The following SF3B6 variants were observed in gnomAD, a reference collection of about 807,000 sequenced individuals.
SF3B6 encodes splicing factor 3b subunit 6, also known as SF3b 14 kDa subunit.
SF3B6 carries 3 observed loss-of-function variants against 15.9 expected under a neutral mutation model. The ratio of observed to expected loss-of-function variants is 0.19; its 90% confidence interval spans 0.09 to 0.49. The LOEUF is 0.49. Ranked by LOEUF, SF3B6 falls within the 20% of genes least tolerant of loss-of-function variation. SF3B6 has a pLI of 0.97. For synonymous variants in SF3B6, 49 were observed against 51.1 expected (o/e 0.96, Z 0.18); for missense variants, 71 against 154.3 (o/e 0.46, Z 2.86).
At chr2:24,074,663 A>G (rs1573709224) in intron 1 of SF3B6, among the ~76,000 whole-genome samples, 1 of 152,168 alleles carries the variant, frequency 6.6e-6, no homozygotes, top group Non-Finnish European at 1.5e-5. Flanking sequence ...ACCAATTGAA[A>G]TACTTTTCAT....
intron 2 of SF3B6, 167 bp downstream of exon 2, chr2:24,073,909 T>TC (rs1664692041): frequency 5.4e-6 from 3 of 554,992 alleles, no homozygotes; most frequent in Admixed American, 7.4e-5. Context: ...GTAGGTTTTC[T>TC]CCCCCCTTCA....
intron 2 of SF3B6, 77 bp from the exon 3 acceptor site, chr2:24,068,536 A>C: frequency 1.5e-6 from 2 of 1,318,338 alleles, no homozygotes; most frequent in African/African-American, 3.0e-5. Context: ...ACTGTCTTTT[A>C]AACTGGTAAC....
intron 2 of SF3B6, among the ~76,000 whole-genome samples, chr2:24,070,571 C>T (rs1011137373): frequency 6.6e-6 from 1 of 152,188 alleles, no homozygotes; most frequent in Admixed American, 6.5e-5. Context: ...AAAGAGGTAA[C>T]AAGTATCAAA....
At chr2:24,071,194 T>C (rs1664646947) in intron 2 of SF3B6, among the ~76,000 whole-genome samples, 2 of 151,860 alleles carry the variant, frequency 1.3e-5, no homozygotes, top group African/African-American at 2.4e-5. Context: ...GGTTTCACCA[T>C]GTTGGTCAGG....
At chr2:24,068,048 C>T (rs1664588528) in intron 3 of SF3B6, among the ~76,000 whole-genome samples, 197 bp from the exon 4 acceptor site, 1 of 152,128 alleles carries the variant, frequency 6.6e-6, no homozygotes, top group African/African-American at 2.4e-5. Context: ...CTGCAGGCTC[C>T]ACCCCCTGGG....
chr2:24,076,146 T>C, intron 1 of SF3B6, 54 bp downstream of exon 1: 8 of 1,611,836 alleles, frequency 5.0e-6, no homozygotes, highest in Non-Finnish European at 5.9e-6. Flanking sequence ...TCCACGCCGC[T>C]AAGAAAGTCA....
intron 2 of SF3B6, among the ~76,000 whole-genome samples, chr2:24,069,440 G>A (rs1015763202): frequency 1.3e-5 from 2 of 152,208 alleles, no homozygotes; most frequent in Non-Finnish European, 2.9e-5. Context: ...GCAGGCAGCA[G>A]GTGGCCATGT....
Position 24,068,400 on chromosome 2 carries a change from G to T in SF3B6, c.209C>A (p.Ala70Asp). 1.2e-6 allele frequency: 2 copies of T among 1,614,018 alleles called. No individual in the cohort carries two copies. The highest frequency in any genetic ancestry group is 1.7e-6 in the Non-Finnish European group (2 of 1,179,914). Residue 70 changes from alanine (A) to aspartate (D), a missense_variant, in exon 3 of 4, where the codon GCC becomes GAC. By Grantham distance (126) the Ala-to-Asp change is moderately radical (BLOSUM62 -2). This residue lies in a region of SF3B6 where 52 missense variants were observed against 113.2 expected (regional missense o/e 0.46). Transcript: ENST00000233468. Reference sequence around the variant, plus strand: ...CGATAGGTGATCACATGCATTCTTGGCATCAAAGATGTCCTCATAGACCAC... The same window carrying T: ...CGATAGGTGATCACATGCATTCTTGTCATCAAAGATGTCCTCATAGACCAC... ...AYVVYEDIFDAKNACDHLSGF... is the reference protein window; with the variant it reads ...AYVVYEDIFDDKNACDHLSGF...
rs957898812 is a variant in SF3B6 at position 24,076,317 on chromosome 2, G to A, written c.-88C>T. 6.6e-7 allele frequency: 1 copy of A among 1,513,158 alleles called. No homozygotes were observed. The highest frequency in any genetic ancestry group is 9.2e-7 in the Non-Finnish European group (1 of 1,087,968). The allele number at this position is 1,513,158 out of a possible 1,614,324, so 93.7% of individuals were successfully genotyped here. A position where few individuals can be genotyped will look rare whatever the true frequency, so the allele number is the denominator to read the frequency against. Reference sequence around the variant, plus strand: ...CGGGGGTTACACCGCGTTAGATGCAGGACATCAACATCCAGGACCCGCCGG... The same window carrying A: ...CGGGGGTTACACCGCGTTAGATGCAAGACATCAACATCCAGGACCCGCCGG... On this transcript the variant is annotated 5_prime_UTR_variant, in exon 1 of 4. Transcript: ENST00000233468.
At position 24,068,475 on chromosome 2, in the gene SF3B6, A is replaced by G; in HGVS notation, c.150-16T>C. On this transcript the variant is annotated splice_polypyrimidine_tract_variant and intron_variant, in intron 2 of 3. Coordinates refer to ENST00000233468, the MANE Select transcript of SF3B6 (RefSeq NM_016047.4). Reference sequence around the variant, plus strand: ...TGTGTTCCCCCTGGAGAGGTAAGTTAAACTTAATTAAGATATACATTTACC... The same window carrying G: ...TGTGTTCCCCCTGGAGAGGTAAGTTGAACTTAATTAAGATATACATTTACC... The G allele has an allele frequency of 6.3e-7, 1 of 1,595,928 alleles. No homozygotes were observed. Among genetic ancestry groups the G allele is most frequent in the South Asian group, 1.1e-5 (1 of 88,196 alleles).
chr2:24,074,413 C>T (rs1664701056), intron 1 of SF3B6, among the ~76,000 whole-genome samples: 1 of 152,116 alleles, frequency 6.6e-6, no homozygotes, highest in Non-Finnish European at 1.5e-5. Flanking sequence ...AATCCCAGCA[C>T]TTTGGGAGGC....
chr2:24,070,075 C>G (rs1402826662), intron 2 of SF3B6, among the ~76,000 whole-genome samples: 1 of 152,140 alleles, frequency 6.6e-6, no homozygotes, highest in Admixed American at 6.5e-5. Context: ...CCTCTTATAT[C>G]TTCTTAGGAA....
At chr2:24,075,788 A>T (rs977934107) in intron 1 of SF3B6, among the ~76,000 whole-genome samples, 2 of 151,946 alleles carry the variant, frequency 1.3e-5, no homozygotes, top group Non-Finnish European at 2.9e-5. Context: ...TGTTTTAATT[A>T]ATGTGTTAAT....
At chr2:24,074,230 G>A in intron 1 of SF3B6, 36 bp from the exon 2 acceptor site, 2 of 1,126,622 alleles carry the variant, frequency 1.8e-6, no homozygotes, top group Non-Finnish European at 1.3e-6. Flanking sequence ...TTATAATTAG[G>A]GGCATTCTAA....
chr2:24,069,641 G>C (rs1664621587), intron 2 of SF3B6, among the ~76,000 whole-genome samples: 1 of 152,174 alleles, frequency 6.6e-6, no homozygotes, highest in South Asian at 2.1e-4. Context: ...GCCATGGGAA[G>C]AGGAGGTACC....
intron 1 of SF3B6, 143 bp downstream of exon 1, chr2:24,076,057 C>T (rs1664740098): frequency 1.9e-6 from 2 of 1,063,838 alleles, no homozygotes; most frequent in African/African-American, 1.6e-5. Flanking sequence ...AGGATGGGGC[C>T]GGATAGTGTC....
intron 1 of SF3B6, among the ~76,000 whole-genome samples, chr2:24,075,369 T>C (rs999077233): frequency 1.3e-5 from 2 of 149,906 alleles, no homozygotes; most frequent in Non-Finnish European, 3.0e-5. Flanking sequence ...GTTTTTTTTT[T>C]TTTTTTTGAG....
rs754798577 is a variant in SF3B6 at position 24,068,375 on chromosome 2, CGATAGGT to C, written c.227_233del (p.His76ArgfsTer33). 1.2e-6 allele frequency: 2 copies of C among 1,614,096 alleles called. No homozygotes were observed. The highest frequency in any genetic ancestry group is 1.7e-6 in the Non-Finnish European group (2 of 1,179,990). ...GGTATCTGTTACAAACATTGAATCC[CGATAGGT>C]GATCACATGCATTCTTGGCATCAAA... On this transcript the variant is annotated frameshift_variant, in exon 3 of 4. Transcript: ENST00000233468. LOFTEE classifies it high-confidence loss of function.
chr2:24,070,997 T>A (rs774107224), intron 2 of SF3B6, among the ~76,000 whole-genome samples: 8 of 152,132 alleles, frequency 5.3e-5, no homozygotes, highest in Non-Finnish European at 8.8e-5. Context: ...TATAAATCTT[T>A]TTTTTTTCTT....
Sources: gnomAD v4.1 joint callset for allele counts (sites outside exome capture counted in the v4.1 genomes callset) on GRCh38, gnomAD v4.1.1 for gene constraint, gnomAD v4.1.1 regional missense constraint, MANE v1.5 for transcripts, NCBI Gene and HGNC (gene_info 2026-07-23, HGNC 2026-07-21) for gene names.